Variants in BRWD3 observed in about 807,000 individuals in gnomAD.
BRWD3 encodes the protein bromodomain and WD repeat-containing protein 3.
BRWD3 carries 10 observed loss-of-function variants against 149.7 expected under a neutral mutation model. That is an observed-to-expected ratio of 0.07 (90% confidence interval 0.04 to 0.11). The LOEUF (loss-of-function observed/expected upper bound fraction) is 0.11. Among genes scored for constraint, BRWD3 ranks in the 10% least tolerant of loss-of-function variants. BRWD3 has a pLI of 1.00. For missense variants in BRWD3, 940 were observed against 1,373.2 expected, an observed-to-expected ratio of 0.68 and a Z score of 4.99; for synonymous variants, 504 against 456.7, an observed-to-expected ratio of 1.10 and a Z score of -1.32.
chrX:80,682,129 T>G lies in BRWD3; in HGVS notation c.4398-35A>C, dbSNP rs371317961. ...AAAATATGTAACAACGAGCATTTTT[T>G]TTTTTCTGTTAGCAACATATTATGA... On this transcript the variant is annotated intron_variant, in intron 38 of 40. Coordinates refer to ENST00000373275, the MANE Select transcript of BRWD3 (RefSeq NM_153252.5). The G allele has an allele frequency of 5.4e-5, 60 of 1,104,436 alleles. No individual in the cohort carries two copies. The African/African-American group carries it at 8.4e-4, about 15-fold the overall frequency. 91.0% of individuals were successfully genotyped at this position (1,104,436 alleles called of 1,213,427 possible). A position where few individuals can be genotyped will look rare whatever the true frequency, so the allele number is the denominator to read the frequency against.
intron 4 of BRWD3, among the ~76,000 whole-genome samples, chrX:80,806,075 T>G (rs1218139611): frequency 1.8e-5 from 2 of 111,977 alleles, no homozygotes; most frequent in Non-Finnish European, 3.8e-5. Context: ...AAACCAACAC[T>G]GCACATTCAC....
intron 6 of BRWD3, among the ~76,000 whole-genome samples, chrX:80,770,114 C>T (rs1168104407): frequency 1.8e-5 from 2 of 111,193 alleles, no homozygotes; most frequent in Non-Finnish European, 3.8e-5. Flanking sequence ...AATTAATAGC[C>T]TACCAACCAA....
chrX:80,739,873 A>T (rs180974863), intron 8 of BRWD3, among the ~76,000 whole-genome samples: 41 of 112,300 alleles, frequency 3.7e-4, no homozygotes, highest in African/African-American at 1.3e-3. Flanking sequence ...ATTGCACTGC[A>T]TTCACCTATT....
intron 4 of BRWD3, among the ~76,000 whole-genome samples, chrX:80,802,369 G>T (rs1157091233): frequency 9.6e-6 from 1 of 104,472 alleles, no homozygotes; most frequent in Non-Finnish European, 1.9e-5. Context: ...TTGTACCTGG[G>T]AGGCGGAGGT....
chrX:80,754,463 T>C (rs747525958), intron 6 of BRWD3, among the ~76,000 whole-genome samples: 2 of 111,940 alleles, frequency 1.8e-5, no homozygotes, highest in East Asian at 2.8e-4. Context: ...CAGAGATAAT[T>C]TGACTTCCTC....
intron 6 of BRWD3, among the ~76,000 whole-genome samples, chrX:80,772,440 G>A (rs1014927953): frequency 1.8e-5 from 2 of 110,665 alleles, no homozygotes; most frequent in Non-Finnish European, 3.8e-5. Flanking sequence ...GACACAGGGC[G>A]GGGAACATCA....
At chrX:80,772,738 G>T (rs1264061474) in intron 6 of BRWD3, among the ~76,000 whole-genome samples, 1 of 111,227 alleles carries the variant, frequency 9.0e-6, no homozygotes. Context: ...TACAAACTTG[G>T]GCATTTATCC....
At chrX:80,788,565 C>T (rs954534779) in intron 6 of BRWD3, among the ~76,000 whole-genome samples, 2 of 111,427 alleles carry the variant, frequency 1.8e-5, no homozygotes, top group Non-Finnish European at 3.8e-5. Context: ...ACTTTCACAA[C>T]AGTTCGGCAG....
chrX:80,692,378 G>A (rs2072624710), intron 28 of BRWD3, among the ~76,000 whole-genome samples: 1 of 111,602 alleles, frequency 9.0e-6, no homozygotes, highest in African/African-American at 3.3e-5. Flanking sequence ...TTGTCAATAT[G>A]GAGACTAAAA....
At chrX:80,764,396 C>T (rs2073835034) in intron 6 of BRWD3, among the ~76,000 whole-genome samples, 1 of 111,437 alleles carries the variant, frequency 9.0e-6, no homozygotes, top group Non-Finnish European at 1.9e-5. Flanking sequence ...AGCTCCGCCA[C>T]CTGGGTTCAA....
rs1404075620 is a variant in BRWD3, at chrX:80,672,510, T to TA, written c.*4098dup. ...TGAGTGCTACCCATATTCCACAAAA[T>TA]ATAGCACCGTGAAAAAACTTAATTT... is the stretch of plus-strand genomic sequence containing the variant. On this transcript the variant is annotated 3_prime_UTR_variant, in exon 41 of 41. Coordinates refer to ENST00000373275, the MANE Select transcript of BRWD3 (RefSeq NM_153252.5). 1 of 109,449 alleles carries TA rather than the reference T, an allele frequency of 9.1e-6. No homozygotes were observed. The highest frequency in any genetic ancestry group is 1.9e-5 in the Non-Finnish European group (1 of 52,465). 9.0% of individuals were successfully genotyped at this position (109,449 alleles called of 1,213,427 possible).
chrX:80,718,412 G>A (rs2073102150), intron 18 of BRWD3, among the ~76,000 whole-genome samples: 1 of 111,443 alleles, frequency 9.0e-6, no homozygotes, highest in South Asian at 3.7e-4. Flanking sequence ...AAGTCAGTGG[G>A]GTCTCTTGAC....
chrX:80,752,369 C>T (rs1204450598), intron 6 of BRWD3, among the ~76,000 whole-genome samples: 1 of 111,424 alleles, frequency 9.0e-6, no homozygotes, highest in Non-Finnish European at 1.9e-5. Context: ...CATACTAGTG[C>T]AAGTATCTTT....
rs1400438230 is a variant in BRWD3 at position 80,717,606 on chromosome X, A to G, written c.2198T>C (p.Val733Ala). 1 of 1,209,713 alleles carries G rather than the reference A, an allele frequency of 8.3e-7. No homozygotes were observed. The highest frequency in any genetic ancestry group is 1.1e-6 in the Non-Finnish European group (1 of 894,787). The change falls in exon 19 of 41, where the codon GTG becomes GCG. Residue 733 changes from valine to alanine, a missense_variant. Val to Ala is a moderately conservative substitution (Grantham distance 64). Transcript: ENST00000373275. ...ERDLMAWSRR[V>A]VVNELNNGVS... The stretch of plus-strand genomic sequence containing the variant: ...CCCATTATTTAGTTCATTGACCACC[A>G]CTCTTCTGCTCCACGCCATGAGATC...
intron 6 of BRWD3, among the ~76,000 whole-genome samples, chrX:80,788,280 G>A (rs2074137982): frequency 9.1e-6 from 1 of 109,729 alleles, no homozygotes. Flanking sequence ...TAAAAAGATG[G>A]GGGCAGGGAG....
Position 80,707,310 on chromosome X carries a change from TA to T in BRWD3, c.2552+116del, listed in dbSNP as rs1396856641. The T allele has an allele frequency of 9.8e-6, 7 of 711,188 alleles. No homozygotes were observed. In the East Asian group the frequency reaches 2.5e-4, roughly 25 times the overall value. 58.6% of individuals were successfully genotyped at this position (711,188 alleles called of 1,213,427 possible). The stretch of plus-strand genomic sequence containing the variant: ...ATCAGGTCTCTCGGCTTCCAGCCAA[TA>T]CCTTTTCTACTATAAAACACTATTT... On this transcript the variant is annotated intron_variant, in intron 22 of 40. Coordinates refer to ENST00000373275, the MANE Select transcript of BRWD3 (RefSeq NM_153252.5).
intron 31 of BRWD3, among the ~76,000 whole-genome samples, chrX:80,690,558 C>T (rs1389244117): frequency 9.0e-6 from 1 of 111,606 alleles, no homozygotes. Flanking sequence ...GGAATACTGT[C>T]GTCAGTAGGA....
In BRWD3 at chrX:80,682,638, C is replaced by T. The variant is rs1446204895; in HGVS notation, c.4234-10G>A. 8.3e-7 allele frequency: 1 copy of T among 1,201,641 alleles called. No individual in the cohort carries two copies. Among genetic ancestry groups the T allele is most frequent in the Non-Finnish European group, 1.1e-6 (1 of 887,978 alleles). On this transcript the variant is annotated splice_polypyrimidine_tract_variant and intron_variant, in intron 37 of 40. Transcript: ENST00000373275. ...GCATCATGCTATAGATCTGAGAAGG[C>T]AGAAATTATATAGTCTTAACTAGTT...
intron 34 of BRWD3, among the ~76,000 whole-genome samples, chrX:80,687,310 G>A (rs1361126436): frequency 5.4e-5 from 6 of 111,089 alleles, no homozygotes; most frequent in African/African-American, 1.3e-4. Context: ...AAGTTATAGA[G>A]CCTTAATATT....
Sources: allele counts gnomAD v4.1 joint callset (sites outside exome capture counted in the v4.1 genomes callset), GRCh38; gene constraint gnomAD v4.1.1; transcripts MANE v1.5; gene names NCBI Gene and HGNC (gene_info 2026-07-23, HGNC 2026-07-21).